Variants in CNOT1 observed in about 807,000 individuals in gnomAD.
CNOT1 encodes the protein CCR4-associated factor 1.
In CNOT1, 15 loss-of-function variants were observed where a neutral mutation model predicts 273.8. The observed-to-expected ratio is 0.05, with a 90% CI of 0.04 to 0.08. The LOEUF is 0.08. Ranked by LOEUF, CNOT1 falls within the 10% of genes least tolerant of loss-of-function variation. The pLI, the probability that CNOT1 is intolerant of heterozygous loss-of-function variation, is 1.00. For synonymous variants in CNOT1, 1,022 were observed against 1,005.5 expected (o/e 1.02, Z -0.31); for missense variants, 1,644 against 2,912.2 (o/e 0.56, Z 10.02).
chr16:58,551,566 AG>A (rs1489069361), intron 23 of CNOT1, 22 bp downstream of exon 23: 2 of 1,599,546 alleles, frequency 1.3e-6, no homozygotes, highest in East Asian at 4.5e-5. Context: ...ATCCTGGAAG[AG>A]AAAAAAGATA....
intron 1 of CNOT1, among the ~76,000 whole-genome samples, chr16:58,628,004 T>G (rs2043655945): frequency 6.6e-6 from 1 of 152,118 alleles, no homozygotes; most frequent in South Asian, 2.1e-4. Context: ...ATTTTTGTAT[T>G]TTTAGTAGAG....
intron 1 of CNOT1, among the ~76,000 whole-genome samples, 154 bp from the exon 2 acceptor site, chr16:58,599,665 G>T (rs112128202): frequency 6.6e-6 from 1 of 152,192 alleles, no homozygotes; most frequent in African/African-American, 2.4e-5. Context: ...CATCGTCTCT[G>T]TGTTAGTACC....
At chr16:58,526,578 C>T (rs961957231) in intron 44 of CNOT1, among the ~76,000 whole-genome samples, 1 of 148,480 alleles carries the variant, frequency 6.7e-6, no homozygotes, top group Non-Finnish European at 1.5e-5. Flanking sequence ...AAACCCAGCA[C>T]TTTGGGAGGC....
Position 58,558,729 on chromosome 16 carries a change from C to T in CNOT1, c.2131-55G>A, listed in dbSNP as rs1012776333. 2.6e-6 allele frequency: 4 copies of T among 1,566,476 alleles called. No homozygotes were observed. In the African/African-American group the frequency reaches 5.5e-5, roughly 21 times the overall value. ...AACATACTTCGAGGAAAGGCAGACACATGTAAAGCAATCTTTAACAACAGC... is the reference window on the plus strand; with the variant it reads ...AACATACTTCGAGGAAAGGCAGACATATGTAAAGCAATCTTTAACAACAGC... On this transcript the variant is annotated intron_variant, in intron 17 of 48. Transcript: ENST00000317147.
At chr16:58,523,252 CAAA>C (rs903222270) in intron 47 of CNOT1, 115 bp downstream of exon 47, 4 of 1,028,186 alleles carry the variant, frequency 3.9e-6, no homozygotes, top group Non-Finnish European at 5.3e-6. Context: ...CTCAAAAAAA[CAAA>C]AAAAAAACCA....
chr16:58,602,553 C>CAAAAAAA lies in CNOT1; in HGVS notation c.-174-3049_-174-3043dup, dbSNP rs60230860. 8.3e-4 allele frequency among the ~76,000 whole-genome samples: 48 copies of CAAAAAAA among 57,964 alleles called. 1 individual carries two copies. Among genetic ancestry groups the CAAAAAAA allele is most frequent in the African/African-American group, 3.1e-3 (38 of 12,172 alleles). 38.0% of individuals were successfully genotyped at this position (57,964 alleles called of 152,430 possible). On this transcript the variant is annotated intron_variant, in intron 1 of 48. Coordinates refer to ENST00000317147, the MANE Select transcript of CNOT1 (RefSeq NM_016284.5). Reference sequence around the variant, plus strand: ...GGGCAACAGAGCAAGACTCTGTCTCCAAAAAAAAAAAAAAAAAAAAAAAAC... The same window carrying CAAAAAAA: ...GGGCAACAGAGCAAGACTCTGTCTCCAAAAAAAAAAAAAAAAAAAAAAAAAAAAAAAC...
At chr16:58,550,697 G>C (rs1253626922) in intron 24 of CNOT1, among the ~76,000 whole-genome samples, 1 of 152,116 alleles carries the variant, frequency 6.6e-6, no homozygotes, top group Non-Finnish European at 1.5e-5. Flanking sequence ...ACAGGATTTG[G>C]CTACATACAG....
chr16:58,538,732 G>T (rs374658463), intron 36 of CNOT1, 40 bp downstream of exon 36: 1 of 1,605,128 alleles, frequency 6.2e-7, no homozygotes, highest in Non-Finnish European at 8.5e-7. Context: ...AAAGGCAGTC[G>T]CAGTCCAATA....
At chr16:58,594,809 AAAAAAG>A (rs550165484) in intron 2 of CNOT1, among the ~76,000 whole-genome samples, 2,811 of 151,082 alleles carry the variant, frequency 0.019, 83 homozygotes, top group African/African-American at 0.064. Context: ...CATTAAAAAA[AAAAAAG>A]AAAAAGAAAA....
chr16:58,555,131 C>T (rs1418700290), intron 21 of CNOT1, 120 bp downstream of exon 21: 4 of 1,412,946 alleles, frequency 2.8e-6, no homozygotes, highest in African/African-American at 1.5e-5. Flanking sequence ...TCACTTGAGC[C>T]CGCAAGGTCA....
chr16:58,534,127 G>A lies in CNOT1; in HGVS notation c.5895+20C>T. 1 of 1,610,992 alleles carries A rather than the reference G, an allele frequency of 6.2e-7. No individual in the cohort carries two copies. Among genetic ancestry groups the A allele is most frequent in the Middle Eastern group, 1.7e-4 (1 of 6,052 alleles). On this transcript the variant is annotated intron_variant, in intron 40 of 48. Transcript: ENST00000317147. Reference sequence around the variant, plus strand: ...CCCCACTGATGTAGACCAAGACTAAGGCAAGAAAGGATTTCAGACCTTGTT... The same window carrying A: ...CCCCACTGATGTAGACCAAGACTAAAGCAAGAAAGGATTTCAGACCTTGTT...
intron 1 of CNOT1, among the ~76,000 whole-genome samples, chr16:58,614,026 A>G (rs2042992833): frequency 9.0e-6 from 1 of 111,076 alleles, no homozygotes; most frequent in Non-Finnish European, 2.1e-5. Flanking sequence ...CGGGAGGCGG[A>G]GCTTGCAGTG....
chr16:58,564,563 G>A (rs2040973250), intron 16 of CNOT1, among the ~76,000 whole-genome samples: 1 of 152,146 alleles, frequency 6.6e-6, no homozygotes, highest in Non-Finnish European at 1.5e-5. Context: ...TTTCAGAAAT[G>A]TTAAAGTAGG....
Position 58,551,138 on chromosome 16 carries a change from T to G in CNOT1, c.3336A>C (p.Thr1112=). ...ACTATGACAGCATGCTCACCTTTTGTGTCATATTTGACTGTGAGAGATTAT... is the reference window on the plus strand; with the variant it reads ...ACTATGACAGCATGCTCACCTTTTGGGTCATATTTGACTGTGAGAGATTAT... ...IFNNLSQSNM[T]QKVEELKETV... is the part of the protein sequence containing the mutation. Residue 1112 remains threonine (T), a synonymous_variant, in exon 24 of 49, where the codon ACA becomes ACC. Transcript: ENST00000317147. The G allele has an allele frequency of 6.2e-7, 1 of 1,608,202 alleles. No homozygotes were observed. Among genetic ancestry groups the G allele is most frequent in the Non-Finnish European group, 8.5e-7 (1 of 1,178,658 alleles).
intron 13 of CNOT1, among the ~76,000 whole-genome samples, chr16:58,577,455 G>A (rs1412438619): frequency 6.6e-6 from 1 of 152,118 alleles, no homozygotes. Flanking sequence ...CTAACTGAAT[G>A]ACCTAGAACT....
At chr16:58,627,552 C>T (rs154431) in intron 1 of CNOT1, among the ~76,000 whole-genome samples, 114,244 of 151,718 alleles carry the variant, frequency 0.75, 43,402 homozygotes, top group Middle Eastern at 0.86. Context: ...GTTTTCATAG[C>T]TTTTTTTAAT....
At chr16:58,618,567 G>A (rs1228169364) in intron 1 of CNOT1, among the ~76,000 whole-genome samples, 4 of 151,344 alleles carry the variant, frequency 2.6e-5, no homozygotes, top group African/African-American at 4.9e-5. Context: ...TGGGCGACAG[G>A]GCGAGACTCC....
At chr16:58,597,269 T>A (rs2042298351) in intron 2 of CNOT1, among the ~76,000 whole-genome samples, 1 of 151,384 alleles carries the variant, frequency 6.6e-6, no homozygotes, top group South Asian at 2.1e-4. Context: ...AGGTCAGGAG[T>A]TCGAGACCAG....
intron 8 of CNOT1, among the ~76,000 whole-genome samples, 153 bp from the exon 9 acceptor site, chr16:58,583,335 C>T (rs1156636521): frequency 2.0e-5 from 3 of 152,008 alleles, no homozygotes; most frequent in African/African-American, 7.3e-5. Flanking sequence ...ATTTATACAG[C>T]TAGGAATGTA....
Sources: gnomAD v4.1 joint callset for allele counts (sites outside exome capture counted in the v4.1 genomes callset) on GRCh38, gnomAD v4.1.1 for gene constraint, MANE v1.5 for transcripts, NCBI Gene and HGNC (gene_info 2026-07-23, HGNC 2026-07-21) for gene names.